The following MBD5 variants were observed in gnomAD, a reference collection of about 807,000 sequenced individuals.
MBD5 encodes methyl-CpG binding domain protein 5, also known as methyl-CpG-binding domain protein 5.
A neutral mutation model predicts 117.3 loss-of-function variants in MBD5; 13 were observed. The observed-to-expected ratio is 0.11, with a 90% CI of 0.07 to 0.18. The LOEUF (loss-of-function observed/expected upper bound fraction) is 0.18, where lower values mean the gene tolerates loss of function less well. Among genes scored for constraint, MBD5 ranks in the 10% least tolerant of loss-of-function variants. The probability of loss-of-function intolerance (pLI) is 1.00; values close to 1 mark genes in which losing one functional copy is unlikely to be tolerated. For synonymous variants in MBD5, 727 were observed against 766.4 expected (o/e 0.95, Z 0.85); for missense variants, 1,879 against 2,093.8 (o/e 0.90, Z 2.00).
intron 1 of MBD5, among the ~76,000 whole-genome samples, chr2:148,117,566 C>T (rs1470585921): frequency 1.3e-5 from 2 of 151,732 alleles, no homozygotes; most frequent in African/African-American, 4.8e-5. Flanking sequence ...TTTTTTTAAG[C>T]CAGATGAAAA....
chr2:148,504,346 A>T (rs1275705609), intron 12 of MBD5, among the ~76,000 whole-genome samples: 1 of 152,222 alleles, frequency 6.6e-6, no homozygotes, highest in East Asian at 1.9e-4. Context: ...GTAATTGCAA[A>T]TTCATCATTT....
chr2:148,384,493 T>C (rs977989562), intron 4 of MBD5, among the ~76,000 whole-genome samples: 1 of 152,192 alleles, frequency 6.6e-6, no homozygotes. Context: ...CATTCCATGC[T>C]CATGGATAGG....
intron 11 of MBD5, among the ~76,000 whole-genome samples, chr2:148,494,458 A>G (rs746412431): frequency 6.6e-6 from 1 of 152,196 alleles, no homozygotes; most frequent in African/African-American, 2.4e-5. Flanking sequence ...ACCTTCCCAC[A>G]TAACTCTCTT....
At chr2:148,407,545 T>C (rs1705121452) in intron 4 of MBD5, among the ~76,000 whole-genome samples, 1 of 152,182 alleles carries the variant, frequency 6.6e-6, no homozygotes, top group South Asian at 2.1e-4. Flanking sequence ...CACTTTGTCA[T>C]TCAGCATCAG....
chr2:148,452,883 C>T (rs1706770204), intron 4 of MBD5, among the ~76,000 whole-genome samples: 1 of 152,156 alleles, frequency 6.6e-6, no homozygotes, highest in Admixed American at 6.6e-5. Flanking sequence ...ATTTTATCAA[C>T]ATGCATAGTC....
chr2:148,226,385 A>G (rs1313154895), intron 2 of MBD5, among the ~76,000 whole-genome samples: 1 of 151,984 alleles, frequency 6.6e-6, no homozygotes, highest in Non-Finnish European at 1.5e-5. Context: ...TCCTTGTGAT[A>G]GTTTGCTGAG....
chr2:148,468,282 C>A, intron 7 of MBD5, 59 bp from the exon 8 acceptor site: 2 of 1,445,284 alleles, frequency 1.4e-6, no homozygotes, highest in Non-Finnish European at 9.7e-7. Context: ...CCTTCCCTCC[C>A]TCCCACCACA....
At chr2:148,251,882 G>T (rs1441740431) in intron 3 of MBD5, among the ~76,000 whole-genome samples, 3 of 152,174 alleles carry the variant, frequency 2.0e-5, no homozygotes, top group Non-Finnish European at 4.4e-5. Flanking sequence ...TCACGAGTGA[G>T]ATATCAGCGC....
chr2:148,406,581 CAATT>C (rs1399523690), intron 4 of MBD5, among the ~76,000 whole-genome samples: 6 of 152,174 alleles, frequency 3.9e-5, no homozygotes, highest in African/African-American at 1.4e-4. Context: ...CATCTCATTG[CAATT>C]AAAATAAAAA....
chr2:148,386,718 CAAAAAAAAAAAA>C (rs60766324), intron 4 of MBD5, among the ~76,000 whole-genome samples: 9 of 104,232 alleles, frequency 8.6e-5, no homozygotes, highest in East Asian at 2.5e-4. Context: ...GACTCCGTCT[CAAAAAAAAAAAA>C]AAAAAAAAAA....
intron 4 of MBD5, among the ~76,000 whole-genome samples, chr2:148,443,539 A>G (rs1236130850): frequency 6.6e-6 from 1 of 151,466 alleles, no homozygotes; most frequent in Non-Finnish European, 1.5e-5. Flanking sequence ...TATATACACA[A>G]TGGAGTACTA....
intron 2 of MBD5, among the ~76,000 whole-genome samples, chr2:148,185,907 T>A (rs1460023752): frequency 6.6e-6 from 1 of 151,838 alleles, no homozygotes; most frequent in East Asian, 1.9e-4. Flanking sequence ...CTTGTAATTA[T>A]TGAATTGATG....
At chr2:148,456,135 G>T (rs1425408189) in intron 4 of MBD5, among the ~76,000 whole-genome samples, 1 of 152,106 alleles carries the variant, frequency 6.6e-6, no homozygotes, top group Non-Finnish European at 1.5e-5. Flanking sequence ...ATAGTACTTT[G>T]CTGTCGTAGT....
chr2:148,375,078 T>C (rs1216221307), intron 4 of MBD5, among the ~76,000 whole-genome samples: 2 of 152,212 alleles, frequency 1.3e-5, no homozygotes, highest in African/African-American at 2.4e-5. Context: ...TTTTAGCATC[T>C]TCTCCAAAGT....
chr2:148,072,369 G>A (rs1695381983), intron 1 of MBD5, among the ~76,000 whole-genome samples: 1 of 152,102 alleles, frequency 6.6e-6, no homozygotes, highest in African/African-American at 2.4e-5. Context: ...TGTATGGGCC[G>A]AAATGTAGAC....
intron 3 of MBD5, among the ~76,000 whole-genome samples, chr2:148,274,729 T>G (rs1008017642): frequency 3.3e-5 from 5 of 151,002 alleles, no homozygotes; most frequent in Admixed American, 2.0e-4. Flanking sequence ...TTTTTTGTTT[T>G]TTTTTTTTTT....
rs1376513800 is a variant in MBD5 at position 148,515,907 on chromosome 2, G to T, written c.*2966G>T. ...TTTGTAGCATTAAAAGCAAACCAGGGTTTTTATTTATTTAAAGGAACATTT... is the reference window on the plus strand; with the variant it reads ...TTTGTAGCATTAAAAGCAAACCAGGTTTTTTATTTATTTAAAGGAACATTT... On this transcript the variant is annotated 3_prime_UTR_variant, in exon 14 of 14. Transcript: ENST00000642680. 2.0e-5 allele frequency: 3 copies of T among 152,068 alleles called. No individual in the cohort carries two copies. The highest frequency in any genetic ancestry group is 4.4e-5 in the Non-Finnish European group (3 of 68,004). The allele number at this position is 152,068 out of a possible 1,614,324, so 9.4% of individuals were successfully genotyped here. A position where few individuals can be genotyped will look rare whatever the true frequency, so the allele number is the denominator to read the frequency against.
At chr2:148,196,051 T>C (rs1698978331) in intron 2 of MBD5, among the ~76,000 whole-genome samples, 1 of 152,168 alleles carries the variant, frequency 6.6e-6, no homozygotes, top group South Asian at 2.1e-4. Flanking sequence ...AACAACTTGT[T>C]GCAGTCTGGC....
At chr2:148,399,087 G>A (rs1229187492) in intron 4 of MBD5, among the ~76,000 whole-genome samples, 1 of 152,198 alleles carries the variant, frequency 6.6e-6, no homozygotes, top group African/African-American at 2.4e-5. Flanking sequence ...CAGGTAGAGT[G>A]ATGCCTCCAG....
Sources: allele counts gnomAD v4.1 joint callset (sites outside exome capture counted in the v4.1 genomes callset), GRCh38; gene constraint gnomAD v4.1.1; transcripts MANE v1.5; gene names NCBI Gene and HGNC (gene_info 2026-07-23, HGNC 2026-07-21).